Variants in SEPTIN11 observed in about 807,000 individuals in gnomAD.
SEPTIN11 encodes septin 11.
In SEPTIN11, 25 loss-of-function variants were observed where a neutral mutation model predicts 51.4. The ratio of observed to expected loss-of-function variants is 0.49; its 90% CI spans 0.35 to 0.68. The LOEUF (loss-of-function observed/expected upper bound fraction) is 0.68, where lower values mean the gene tolerates loss of function less well. Ranked by LOEUF, SEPTIN11 falls within the 30% of genes least tolerant of loss-of-function variation. The pLI, the probability that SEPTIN11 is intolerant of heterozygous loss-of-function variation, is 0.00. For missense variants in SEPTIN11, 381 were observed against 520.8 expected (o/e 0.73, Z 2.61); for synonymous variants, 174 against 184.1 (o/e 0.95, Z 0.44).
At chr4:76,969,771 C>T (rs1257605867) in intron 1 of SEPTIN11, among the ~76,000 whole-genome samples, 1 of 152,064 alleles carries the variant, frequency 6.6e-6, no homozygotes, top group Non-Finnish European at 1.5e-5. Flanking sequence ...CTACTTTAAA[C>T]CAGAGGGTTA....
intron 4 of SEPTIN11, among the ~76,000 whole-genome samples, chr4:77,013,919 G>A (rs1324758727): frequency 6.6e-6 from 1 of 152,116 alleles, no homozygotes; most frequent in Non-Finnish European, 1.5e-5. Flanking sequence ...TGAAACCTGT[G>A]TTTACAGGGA....
At chr4:77,003,274 G>C (rs1724245202) in intron 2 of SEPTIN11, among the ~76,000 whole-genome samples, 2 of 152,200 alleles carry the variant, frequency 1.3e-5, no homozygotes, top group South Asian at 4.1e-4. Flanking sequence ...CCTAGCCATG[G>C]TCTGGTTGTC....
chr4:77,014,025 G>T (rs2109959361), intron 4 of SEPTIN11, among the ~76,000 whole-genome samples: 1 of 152,278 alleles, frequency 6.6e-6, no homozygotes, highest in Non-Finnish European at 1.5e-5. Context: ...ATGGGGTTTG[G>T]AAGTTGTGCT....
At chr4:76,960,000 A>C (rs1721759729) in intron 1 of SEPTIN11, among the ~76,000 whole-genome samples, 1 of 152,102 alleles carries the variant, frequency 6.6e-6, no homozygotes, top group African/African-American at 2.4e-5. Context: ...CCAACAATCT[A>C]ATTGTACTCT....
intron 7 of SEPTIN11, among the ~76,000 whole-genome samples, chr4:77,022,159 G>T (rs536643702): frequency 9.2e-5 from 14 of 152,304 alleles, no homozygotes; most frequent in Non-Finnish European, 1.9e-4. Context: ...GTTTCTGTGT[G>T]GGAAAGGCCG....
Position 77,034,830 on chromosome 4 carries a change from G to A in SEPTIN11, c.*318G>A, listed in dbSNP as rs185179095. ...GTCGCTTTGGACAGAGGAAAGTGGGGTAAAATGCTACCTGTACGTCTGACA... is the reference window on the plus strand; with the variant it reads ...GTCGCTTTGGACAGAGGAAAGTGGGATAAAATGCTACCTGTACGTCTGACA... On this transcript the variant is annotated 3_prime_UTR_variant, in exon 10 of 10. Coordinates refer to ENST00000264893, the MANE Select transcript of SEPTIN11 (RefSeq NM_018243.4). The A allele has an allele frequency of 4.5e-4, 476 of 1,057,300 alleles. 1 individual carries two copies. Among genetic ancestry groups the A allele is most frequent in the Admixed American group, 4.4e-3 (81 of 18,486 alleles). 65.5% of individuals were successfully genotyped at this position (1,057,300 alleles called of 1,614,324 possible).
At chr4:76,994,516 T>C (rs966556454) in intron 1 of SEPTIN11, among the ~76,000 whole-genome samples, 3 of 152,214 alleles carry the variant, frequency 2.0e-5, no homozygotes, top group Non-Finnish European at 4.4e-5. Flanking sequence ...GTGCCTACTC[T>C]TGAGTCTCAT....
At chr4:76,980,439 G>A (rs973569214) in intron 1 of SEPTIN11, among the ~76,000 whole-genome samples, 6 of 152,192 alleles carry the variant, frequency 3.9e-5, no homozygotes, top group South Asian at 2.1e-4. Context: ...AGAAGGAATC[G>A]TGGGGAATTG....
At chr4:76,962,460 C>T (rs1023856835) in intron 1 of SEPTIN11, among the ~76,000 whole-genome samples, 5 of 152,238 alleles carry the variant, frequency 3.3e-5, no homozygotes, top group African/African-American at 4.8e-5. Flanking sequence ...TTCTAACACA[C>T]GTACCCCCTG....
chr4:76,954,344 C>T (rs531603860), intron 1 of SEPTIN11, among the ~76,000 whole-genome samples: 2 of 152,184 alleles, frequency 1.3e-5, no homozygotes, highest in Non-Finnish European at 2.9e-5. Context: ...ATAGTCTTAG[C>T]TAGACCTGTC....
At chr4:77,007,744 C>T (rs927976031) in intron 3 of SEPTIN11, among the ~76,000 whole-genome samples, 11 of 152,192 alleles carry the variant, frequency 7.2e-5, no homozygotes, top group Non-Finnish European at 1.6e-4. Context: ...TGCATAACCT[C>T]TTTAAATGGC....
rs1248789668 is a variant in SEPTIN11, at chr4:77,037,370, A to AT, written c.*2858_*2859insT. ...AAGTGAGACTCTCCAAAAAAAAAAAAGAAATTATTAATCCCTGCCTGTGCT... is the reference window on the plus strand; with the variant it reads ...AAGTGAGACTCTCCAAAAAAAAAAAATGAAATTATTAATCCCTGCCTGTGCT... On this transcript the variant is annotated 3_prime_UTR_variant, in exon 10 of 10. Coordinates refer to ENST00000264893, the MANE Select transcript of SEPTIN11 (RefSeq NM_018243.4). The AT allele has an allele frequency of 5.1e-6, 5 of 985,006 alleles. No homozygotes were observed. Among genetic ancestry groups the AT allele is most frequent in the Non-Finnish European group, 6.0e-6 (5 of 829,592 alleles). The allele number at this position is 985,006 out of a possible 1,614,324, so 61.0% of individuals were successfully genotyped here. A position where few individuals can be genotyped will look rare whatever the true frequency, so the allele number is the denominator to read the frequency against.
At position 76,959,203 on chromosome 4, in the gene SEPTIN11, G is replaced by A. The variant is rs558198903; in HGVS notation, c.27+9273G>A. 9 of 348,454 alleles carry A rather than the reference G, an allele frequency of 2.6e-5. 1 individual carries two copies. The highest frequency in any genetic ancestry group is 2.5e-4 in the South Asian group (8 of 32,176). The allele number at this position is 348,454 out of a possible 1,614,324, so 21.6% of individuals were successfully genotyped here. A position where few individuals can be genotyped will look rare whatever the true frequency, so the allele number is the denominator to read the frequency against. On this transcript the variant is annotated intron_variant, in intron 1 of 9. Coordinates refer to ENST00000264893, the MANE Select transcript of SEPTIN11 (RefSeq NM_018243.4). ...CTGGGGTCTGATGAGCAACTGTAAC[G>A]ACCGATGGAAACGGATCCAAAGCAC...
chr4:76,952,989 G>C (rs998642902), intron 1 of SEPTIN11, among the ~76,000 whole-genome samples: 1 of 152,204 alleles, frequency 6.6e-6, no homozygotes, highest in Non-Finnish European at 1.5e-5. Context: ...AAAACTCTAG[G>C]AGTTGAAAGG....
Position 77,036,807 on chromosome 4 carries a change from A to T in SEPTIN11, c.*2295A>T. The T allele has an allele frequency of 6.5e-7, 1 of 1,530,606 alleles. No individual in the cohort carries two copies. Among genetic ancestry groups the T allele is most frequent in the East Asian group, 2.5e-5 (1 of 40,810 alleles). 94.8% of individuals were successfully genotyped at this position (1,530,606 alleles called of 1,614,324 possible). ...CTGCACGGAATAAATGATACCCTCA[A>T]ATCTAATTGGATGTGCTTTCGCCTT... is the stretch of plus-strand genomic sequence containing the variant. On this transcript the variant is annotated 3_prime_UTR_variant, in exon 10 of 10. Transcript: ENST00000264893.
chr4:76,961,379 A>G (rs928018381), intron 1 of SEPTIN11, among the ~76,000 whole-genome samples: 2 of 152,188 alleles, frequency 1.3e-5, no homozygotes, highest in African/African-American at 4.8e-5. Flanking sequence ...AGGCTCACTG[A>G]CAGATTAATT....
chr4:76,950,597 G>C (rs1721289434), intron 1 of SEPTIN11, among the ~76,000 whole-genome samples: 1 of 151,778 alleles, frequency 6.6e-6, no homozygotes. Context: ...GAGGAGGCTG[G>C]GACGCGAGGA....
At chr4:77,039,395 G>A, downstream of SEPTIN11, 1 of 1,064,486 alleles carries the variant, frequency 9.4e-7, no homozygotes, top group Non-Finnish European at 1.1e-6. Flanking sequence ...GGATCCCCTT[G>A]CTTAGAACTA....
intron 1 of SEPTIN11, among the ~76,000 whole-genome samples, chr4:76,965,716 A>G (rs1722009862): frequency 6.6e-6 from 1 of 152,200 alleles, no homozygotes; most frequent in Non-Finnish European, 1.5e-5. Context: ...CACAACATAA[A>G]GCAAGAATTG....
Sources: allele counts gnomAD v4.1 joint callset (sites outside exome capture counted in the v4.1 genomes callset), GRCh38; gene constraint gnomAD v4.1.1; transcripts MANE v1.5; gene names NCBI Gene and HGNC (gene_info 2026-07-23, HGNC 2026-07-21).